Variants in SOCS4 observed in about 807,000 individuals in gnomAD.
The protein encoded by SOCS4 is SH2 domain containing SOCS box protein.
Under a neutral mutation model 34.1 loss-of-function variants are expected in SOCS4, and 20 were observed. That is an observed-to-expected ratio of 0.59 (90% CI 0.41 to 0.85). SOCS4 has a LOEUF of 0.85. Ranked by LOEUF, SOCS4 falls within the 40% of genes least tolerant of loss-of-function variation. The pLI is 0.00. For synonymous variants in SOCS4, 180 were observed against 186.4 expected, an observed-to-expected ratio of 0.97 and a Z score of 0.28; for missense variants, 479 against 532.4, an observed-to-expected ratio of 0.90 and a Z score of 0.99.
chr14:55,032,715 CCAT>C (rs1423693214), intron 2 of SOCS4, among the ~76,000 whole-genome samples: 2 of 152,160 alleles, frequency 1.3e-5, no homozygotes, highest in African/African-American at 2.4e-5. Flanking sequence ...ATCTTTCAAA[CCAT>C]CATCTTTGAT....
Position 55,046,898 on chromosome 14 carries a change from T to C in SOCS4, c.*2534T>C, listed in dbSNP as rs2042681688. On this transcript the variant is annotated 3_prime_UTR_variant, in exon 3 of 3. Transcript: ENST00000555846. ...GTTACCCCCTTCCTCTGTGTCTTTG[T>C]AAGGATACATTTGGAAGAACATACA... The C allele has an allele frequency of 6.0e-6, 1 of 167,064 alleles. No individual in the cohort carries two copies. The highest frequency in any genetic ancestry group is 1.5e-5 in the Non-Finnish European group (1 of 68,084). The allele number at this position is 167,064 out of a possible 1,614,324, so 10.3% of individuals were successfully genotyped here.
rs897341173 is a variant in SOCS4 at position 55,046,648 on chromosome 14, A to C, written c.*2284A>C. The C allele has an allele frequency of 3.6e-5, 6 of 167,114 alleles. No homozygotes were observed. Among genetic ancestry groups the C allele is most frequent in the African/African-American group, 1.4e-4 (6 of 41,554 alleles). The allele number at this position is 167,114 out of a possible 1,614,324, so 10.4% of individuals were successfully genotyped here. ...AAGGTATTAACAGCTGTTAACACTT[A>C]AAAAGTACTGCCACATATGTAGCCT... On this transcript the variant is annotated 3_prime_UTR_variant, in exon 3 of 3. Coordinates refer to ENST00000555846, the MANE Select transcript of SOCS4 (RefSeq NM_199421.2).
intron 2 of SOCS4, among the ~76,000 whole-genome samples, chr14:55,038,267 A>G (rs2042590037): frequency 2.0e-5 from 3 of 152,220 alleles, no homozygotes; most frequent in East Asian, 1.9e-4. Context: ...TTGCAATTCA[A>G]AGTGAAATTT....
rs558825007 is a variant in SOCS4, at chr14:55,042,873, T to C, written c.-90-79T>C. ...ATGTACTAACTGTGCTTTTCCCTCT[T>C]GTGTCTAATAGAAGCTTAATATGTA... is the stretch of plus-strand genomic sequence containing the variant. On this transcript the variant is annotated intron_variant, in intron 2 of 2. Transcript: ENST00000555846. The C allele has an allele frequency of 8.3e-6, 5 of 604,428 alleles. No individual in the cohort carries two copies. In the South Asian group the frequency reaches 1.2e-4, roughly 14 times the overall value. The allele number at this position is 604,428 out of a possible 1,614,324, so 37.4% of individuals were successfully genotyped here.
intron 2 of SOCS4, among the ~76,000 whole-genome samples, chr14:55,037,169 G>C (rs543483574): frequency 2.0e-4 from 29 of 148,292 alleles, no homozygotes; most frequent in African/African-American, 5.2e-4. Flanking sequence ...TTTTGAGACA[G>C]AGTCTCACTC....
chr14:55,028,675 T>G (rs1344720864), intron 1 of SOCS4, among the ~76,000 whole-genome samples: 1 of 152,234 alleles, frequency 6.6e-6, no homozygotes, highest in Non-Finnish European at 1.5e-5. Context: ...AGACTATGAT[T>G]GATGTCCACA....
chr14:55,048,952 T>A lies in SOCS4; in HGVS notation c.*4588T>A, dbSNP rs1406243509. 1.8e-5 allele frequency: 3 copies of A among 167,030 alleles called. No individual in the cohort carries two copies. The highest frequency in any genetic ancestry group is 7.2e-5 in the African/African-American group (3 of 41,462). 10.3% of individuals were successfully genotyped at this position (167,030 alleles called of 1,614,324 possible). A position where few individuals can be genotyped will look rare whatever the true frequency, so the allele number is the denominator to read the frequency against. ...TGGATGCTGCATAATTACATTCACT[T>A]CTCTTAGACTGTAAAAGACTTTCTT... On this transcript the variant is annotated 3_prime_UTR_variant, in exon 3 of 3. Coordinates refer to ENST00000555846, the MANE Select transcript of SOCS4 (RefSeq NM_199421.2).
chr14:55,049,124 G>A lies in SOCS4; in HGVS notation c.*4760G>A, dbSNP rs562394807. On this transcript the variant is annotated 3_prime_UTR_variant, in exon 3 of 3. Transcript: ENST00000555846. ...TTAACTTATTTTAAAAGTTGATTAC[G>A]TTTTCAGAAAATAAAGATAATCACT... 6.0e-6 allele frequency: 1 copy of A among 166,804 alleles called. No homozygotes were observed. Among genetic ancestry groups the A allele is most frequent in the African/African-American group, 2.4e-5 (1 of 41,546 alleles). The allele number at this position is 166,804 out of a possible 1,614,324, so 10.3% of individuals were successfully genotyped here.
Position 55,045,482 on chromosome 14 carries a change from A to G in SOCS4, c.*1118A>G, listed in dbSNP as rs1018873769. On this transcript the variant is annotated 3_prime_UTR_variant, in exon 3 of 3. Transcript: ENST00000555846. ...CTACAAGATCCAAATAATTATCCCTATCTTCAGAATTAACTTAGTCTGTAA... is the reference window on the plus strand; with the variant it reads ...CTACAAGATCCAAATAATTATCCCTGTCTTCAGAATTAACTTAGTCTGTAA... 1.2e-5 allele frequency: 2 copies of G among 166,990 alleles called. No homozygotes were observed. The highest frequency in any genetic ancestry group is 4.8e-5 in the African/African-American group (2 of 41,450). The allele number at this position is 166,990 out of a possible 1,614,324, so 10.3% of individuals were successfully genotyped here.
Position 55,049,035 on chromosome 14 carries a change from A to G in SOCS4, c.*4671A>G, listed in dbSNP as rs927630465. 1 of 166,814 alleles carries G rather than the reference A, an allele frequency of 6.0e-6. No homozygotes were observed. The highest frequency in any genetic ancestry group is 2.4e-5 in the African/African-American group (1 of 41,456). The allele number at this position is 166,814 out of a possible 1,614,324, so 10.3% of individuals were successfully genotyped here. A position where few individuals can be genotyped will look rare whatever the true frequency, so the allele number is the denominator to read the frequency against. On this transcript the variant is annotated 3_prime_UTR_variant, in exon 3 of 3. Coordinates refer to ENST00000555846, the MANE Select transcript of SOCS4 (RefSeq NM_199421.2). ...TTTGAATTTATGGTTTAGGCTCTGCAATTAGAGGAACAATTGCAGTTTCCT... is the reference window on the plus strand; with the variant it reads ...TTTGAATTTATGGTTTAGGCTCTGCGATTAGAGGAACAATTGCAGTTTCCT...
chr14:55,036,383 C>T (rs1481791531), intron 2 of SOCS4, among the ~76,000 whole-genome samples: 4 of 151,490 alleles, frequency 2.6e-5, no homozygotes, highest in Admixed American at 2.0e-4. Context: ...CACTCTTGTC[C>T]CTCAGGGTGG....
At chr14:55,035,113 G>A (rs990915002) in intron 2 of SOCS4, among the ~76,000 whole-genome samples, 2 of 152,040 alleles carry the variant, frequency 1.3e-5, no homozygotes, top group Non-Finnish European at 2.9e-5. Context: ...CACCCACCTC[G>A]GCCTCCCAAA....
In SOCS4 at chr14:55,043,907, G is replaced by A; in HGVS notation, c.866G>A (p.Gly289Glu). The A allele has an allele frequency of 3.7e-6, 6 of 1,614,166 alleles. No homozygotes were observed. The highest frequency in any genetic ancestry group is 5.1e-6 in the Non-Finnish European group (6 of 1,180,016). ...LQINNNPCYW[G>E]VMDKYAAEAL... ...ATCAATAACAACCCATGTTACTGGG[G>A]AGTGATGGATAAATACGCAGCCGAA... Residue 289 changes from glycine to glutamate, a missense_variant, in exon 3 of 3, where the codon GGA becomes GAA. Gly to Glu is a moderately conservative substitution (Grantham distance 98). Coordinates refer to ENST00000555846, the MANE Select transcript of SOCS4 (RefSeq NM_199421.2).
chr14:55,040,771 A>G (rs1383586492), intron 2 of SOCS4, among the ~76,000 whole-genome samples: 1 of 151,924 alleles, frequency 6.6e-6, no homozygotes, highest in Non-Finnish European at 1.5e-5. Flanking sequence ...ATTATACTGT[A>G]TTGCTTTTAA....
chr14:55,040,270 G>A (rs1328718058), intron 2 of SOCS4, among the ~76,000 whole-genome samples: 1 of 152,164 alleles, frequency 6.6e-6, no homozygotes, highest in African/African-American at 2.4e-5. Flanking sequence ...TCAAAATACA[G>A]TTGTCTCTGC....
At chr14:55,029,641 A>G (rs1285944204) in intron 1 of SOCS4, among the ~76,000 whole-genome samples, 1 of 152,240 alleles carries the variant, frequency 6.6e-6, no homozygotes, top group African/African-American at 2.4e-5. Flanking sequence ...ATTTTCTAGT[A>G]AAATATGTAC....
chr14:55,033,238 A>G (rs945031694), intron 2 of SOCS4, among the ~76,000 whole-genome samples: 2 of 152,342 alleles, frequency 1.3e-5, no homozygotes, highest in Admixed American at 1.3e-4. Context: ...TTTAGTCTTC[A>G]TAACAATAAA....
intron 2 of SOCS4, among the ~76,000 whole-genome samples, chr14:55,032,401 T>G (rs938029718): frequency 2.0e-5 from 3 of 152,208 alleles, no homozygotes; most frequent in African/African-American, 7.2e-5. Flanking sequence ...ATTTTGTTAT[T>G]GTTGTCATTG....
chr14:55,042,348 A>G (rs2042628063), intron 2 of SOCS4, among the ~76,000 whole-genome samples: 1 of 152,202 alleles, frequency 6.6e-6, no homozygotes, highest in Non-Finnish European at 1.5e-5. Context: ...GGTAAAGTTG[A>G]CTAATTATTG....
Sources: allele counts gnomAD v4.1 joint callset (sites outside exome capture counted in the v4.1 genomes callset), GRCh38; gene constraint gnomAD v4.1.1; transcripts MANE v1.5; gene names NCBI Gene and HGNC (gene_info 2026-07-23, HGNC 2026-07-21).